The following PWWP2A variants were observed in gnomAD, a reference collection of about 807,000 sequenced individuals.
PWWP2A encodes the protein PWWP domain containing 2A, also known as PWWP domain-containing protein 2A.
In PWWP2A, 18 loss-of-function variants were observed where a neutral mutation model predicts 48.5. The ratio of observed to expected loss-of-function variants is 0.37; its 90% CI spans 0.26 to 0.55. PWWP2A has a LOEUF of 0.55. PWWP2A is among the 20% of genes least tolerant of loss of function. The pLI is 0.81. For missense variants in PWWP2A, 867 were observed against 976.4 expected, an observed-to-expected ratio of 0.89 and a Z score of 1.49; for synonymous variants, 396 against 387.7, an observed-to-expected ratio of 1.02 and a Z score of -0.25.
intron 1 of PWWP2A, among the ~76,000 whole-genome samples, chr5:160,105,398 C>T (rs1561691009): frequency 6.7e-6 from 1 of 149,564 alleles, no homozygotes; most frequent in Non-Finnish European, 1.5e-5. Flanking sequence ...ATTAGCCGGG[C>T]ACGGAGGCAC....
chr5:160,046,511 TC>T, the PWWP2A span, among the ~76,000 whole-genome samples: 2 of 152,268 alleles, frequency 1.3e-5, no homozygotes, highest in South Asian at 4.1e-4. Flanking sequence ...CTGTATTTTC[TC>T]CCTAAGTGAT....
At chr5:160,100,111 G>A (rs182684450) in intron 1 of PWWP2A, among the ~76,000 whole-genome samples, 25 of 151,746 alleles carry the variant, frequency 1.6e-4, no homozygotes, top group Admixed American at 3.9e-4. Flanking sequence ...GACCAGCCTG[G>A]CTAACATGGT....
the PWWP2A span, among the ~76,000 whole-genome samples, chr5:160,045,508 A>T: frequency 2.1e-4 from 16 of 75,874 alleles, no homozygotes; most frequent in South Asian, 1.5e-3. Flanking sequence ...ACACACACAC[A>T]CACACATACA....
chr5:160,116,784 T>A (rs1224649069), intron 1 of PWWP2A: 6 of 985,266 alleles, frequency 6.1e-6, no homozygotes, highest in Non-Finnish European at 7.2e-6. Flanking sequence ...CACCAGAGTG[T>A]CTCTTACTAT....
chr5:160,084,850 A>G (rs186907198), intron 2 of PWWP2A, among the ~76,000 whole-genome samples: 1 of 152,202 alleles, frequency 6.6e-6, no homozygotes, highest in African/African-American at 2.4e-5. Context: ...CATTACAAAA[A>G]ATTTTTCCAC....
chr5:160,045,171 C>T, the PWWP2A span, among the ~76,000 whole-genome samples: 2 of 152,006 alleles, frequency 1.3e-5, no homozygotes, highest in African/African-American at 2.4e-5. Flanking sequence ...GCCTTGTAAG[C>T]GTGATTAGCA....
chr5:160,072,712 G>C (rs1214257781), downstream of PWWP2A, among the ~76,000 whole-genome samples: 1 of 151,622 alleles, frequency 6.6e-6, no homozygotes, highest in East Asian at 1.9e-4. Flanking sequence ...CTGGGCAACA[G>C]AGCGAGACTC....
downstream of PWWP2A, among the ~76,000 whole-genome samples, chr5:160,070,923 C>T (rs1296224888): frequency 6.6e-6 from 1 of 152,206 alleles, no homozygotes; most frequent in Non-Finnish European, 1.5e-5. Flanking sequence ...CGCCGTGGCT[C>T]ACGCCTGTAA....
downstream of PWWP2A, chr5:160,089,798 G>GA (rs1754924836): frequency 3.0e-6 from 3 of 985,140 alleles, no homozygotes; most frequent in African/African-American, 1.7e-5. Context: ...ACTCCAAGGG[G>GA]AAAAAATACC....
At chr5:160,087,758 T>C (rs1219494015), downstream of PWWP2A, among the ~76,000 whole-genome samples, 2 of 152,172 alleles carry the variant, frequency 1.3e-5, no homozygotes, top group African/African-American at 2.4e-5. Context: ...AGTGCTCCAT[T>C]AATATAACAA....
intron 1 of PWWP2A, among the ~76,000 whole-genome samples, chr5:160,112,565 T>C (rs1757702968): frequency 6.6e-6 from 1 of 152,106 alleles, no homozygotes; most frequent in Non-Finnish European, 1.5e-5. Flanking sequence ...CAAAATCTGA[T>C]TTTAACCAGA....
At chr5:160,109,841 ATCCAGAATGT>A in intron 1 of PWWP2A, among the ~76,000 whole-genome samples, 1 of 135,172 alleles carries the variant, frequency 7.4e-6, no homozygotes, top group African/African-American at 2.7e-5. Flanking sequence ...ATATATATAT[ATCCAGAATGT>A]AAAAAATTCT....
At chr5:160,095,008 A>C (rs1000057963) in intron 1 of PWWP2A, among the ~76,000 whole-genome samples, 1 of 130,694 alleles carries the variant, frequency 7.7e-6, no homozygotes, top group Non-Finnish European at 1.5e-5. Context: ...AGATCACACC[A>C]CTGCACTCCA....
the PWWP2A span, among the ~76,000 whole-genome samples, chr5:160,045,514 ATACACACTCT>A: frequency 1.1e-3 from 33 of 29,730 alleles, no homozygotes; most frequent in African/African-American, 3.6e-3. Flanking sequence ...ACACACACAC[ATACACACTCT>A]CTCTCTCTCT....
chr5:160,081,145 T>A lies in PWWP2A; in HGVS notation c.1550-375A>T, dbSNP rs571278003. Among the ~76,000 whole-genome samples, 7 of 152,322 alleles carry A rather than the reference T, an allele frequency of 4.6e-5. No homozygotes were observed. In the South Asian group the frequency reaches 1.4e-3, roughly 32 times the overall value. On this transcript the variant is annotated intron_variant, in intron 2 of 3. Transcript: ENST00000456329. ...TTTACTAATCTCACGTTAGCCTATG[T>A]TGGAGAAGTCCTGATCTTCTCAGTC... is the stretch of plus-strand genomic sequence containing the variant.
chr5:160,103,706 A>C (rs559550437), intron 1 of PWWP2A, among the ~76,000 whole-genome samples: 1 of 152,314 alleles, frequency 6.6e-6, no homozygotes, highest in East Asian at 1.9e-4. Flanking sequence ...AGAGGCTTAC[A>C]TAAGCAATAA....
chr5:160,113,252 G>A, intron 1 of PWWP2A: 1 of 979,830 alleles, frequency 1.0e-6, no homozygotes, highest in Non-Finnish European at 1.2e-6. Context: ...CTTGAGTTAT[G>A]TATGTCCAGC....
chr5:160,106,685 T>C (rs776568282), intron 1 of PWWP2A, among the ~76,000 whole-genome samples: 31 of 152,284 alleles, frequency 2.0e-4, no homozygotes, highest in African/African-American at 5.5e-4. Flanking sequence ...CTTAAACTTA[T>C]AGATTCAGGA....
the PWWP2A span, among the ~76,000 whole-genome samples, chr5:160,050,884 C>G: frequency 6.6e-6 from 1 of 152,002 alleles, no homozygotes; most frequent in Non-Finnish European, 1.5e-5. Context: ...ACTCGGCCTC[C>G]AAAAGTGCTG....
Sources: allele counts gnomAD v4.1 joint callset (sites outside exome capture counted in the v4.1 genomes callset), GRCh38; gene constraint gnomAD v4.1.1; transcripts MANE v1.5; gene names NCBI Gene and HGNC (gene_info 2026-07-23, HGNC 2026-07-21).